The following ADGRD1 variants were observed in gnomAD, a reference collection of about 807,000 sequenced individuals.
The protein encoded by ADGRD1 is G-protein coupled receptor 133.
A neutral mutation model predicts 113.4 loss-of-function variants in ADGRD1; 77 were observed. The observed-to-expected ratio is 0.68, with a 90% CI of 0.57 to 0.82. The LOEUF (loss-of-function observed/expected upper bound fraction) is 0.82. Among genes scored for constraint, ADGRD1 ranks in the 40% least tolerant of loss-of-function variants. ADGRD1 has a pLI of 0.00. For synonymous variants in ADGRD1, 474 were observed against 475.0 expected (o/e 1.00, Z 0.03); for missense variants, 1,036 against 1,139.1 (o/e 0.91, Z 1.30).
intron 5 of ADGRD1, among the ~76,000 whole-genome samples, chr12:130,986,329 CAG>C (rs113474152): frequency 0.017 from 2,623 of 152,240 alleles, 83 homozygotes; most frequent in African/African-American, 0.059. Flanking sequence ...TTTCTTTCAT[CAG>C]AGTTATATAG....
intron 13 of ADGRD1, among the ~76,000 whole-genome samples, chr12:131,068,524 T>G (rs147489869): frequency 6.6e-5 from 10 of 152,312 alleles, no homozygotes; most frequent in African/African-American, 2.4e-4. Flanking sequence ...TGAGGCTGTT[T>G]GACTCCGCAC....
chr12:131,058,908 C>T (rs750556167), intron 13 of ADGRD1, among the ~76,000 whole-genome samples: 3 of 152,170 alleles, frequency 2.0e-5, no homozygotes, highest in Non-Finnish European at 4.4e-5. Flanking sequence ...ATATGTTTTG[C>T]CAAATTTAAG....
rs768256948 is a variant in ADGRD1 at position 131,108,716 on chromosome 12, A to T, written c.1888-8A>T. The T allele has an allele frequency of 1.2e-6, 2 of 1,613,906 alleles. No individual in the cohort carries two copies. Among genetic ancestry groups the T allele is most frequent in the African/African-American group, 2.7e-5 (2 of 74,894 alleles). On this transcript the variant is annotated splice_region_variant and splice_polypyrimidine_tract_variant and intron_variant, in intron 17 of 24. Transcript: ENST00000261654. Reference sequence around the variant, plus strand: ...CTGTCTCACTTCCCATCTCTGGTTAAATCCTAGACCCCCTGCCAAGTGATG... The same window carrying T: ...CTGTCTCACTTCCCATCTCTGGTTATATCCTAGACCCCCTGCCAAGTGATG...
intron 8 of ADGRD1, among the ~76,000 whole-genome samples, chr12:130,995,898 G>A (rs567854581): frequency 3.7e-4 from 56 of 152,238 alleles, no homozygotes; most frequent in African/African-American, 1.3e-3. Flanking sequence ...AAAGGTCTCT[G>A]GTTTTCCTAG....
chr12:131,010,708 G>C (rs1446804875), intron 12 of ADGRD1, among the ~76,000 whole-genome samples: 1 of 152,172 alleles, frequency 6.6e-6, no homozygotes, highest in Non-Finnish European at 1.5e-5. Context: ...TAGTAACTTG[G>C]GGCACATTGA....
At chr12:131,106,120 C>T (rs1950232280) in intron 17 of ADGRD1, among the ~76,000 whole-genome samples, 1 of 152,198 alleles carries the variant, frequency 6.6e-6, no homozygotes, top group Admixed American at 6.5e-5. Flanking sequence ...ACGCGCGAGG[C>T]ACCATGACAA....
intron 21 of ADGRD1, 70 bp downstream of exon 21, chr12:131,131,886 G>C (rs943136148): frequency 1.0e-6 from 1 of 1,000,040 alleles, no homozygotes; most frequent in Non-Finnish European, 1.6e-6. Flanking sequence ...GAGGTCACAG[G>C]AGAGATAGCC....
rs200451845 is a variant in ADGRD1, at chr12:131,136,952, G to A, written c.2395-21G>A. ...ACGTGCAAAGGGCTCTAATCTCTGC[G>A]TTTCTTCCCTTTCTTCCCAGGGACT... On this transcript the variant is annotated intron_variant, in intron 22 of 24. Transcript: ENST00000261654. 424 of 1,599,384 alleles carry A rather than the reference G, an allele frequency of 2.7e-4. No homozygotes were observed. In the African/African-American group the frequency reaches 4.7e-3, roughly 18 times the overall value.
intron 3 of ADGRD1, chr12:130,969,196 C>T: frequency 1.5e-6 from 1 of 646,108 alleles, no homozygotes; most frequent in Non-Finnish European, 2.8e-6. Flanking sequence ...AGCAAATGTC[C>T]CAGTCAAGAC....
intron 2 of ADGRD1, among the ~76,000 whole-genome samples, chr12:130,958,738 G>A (rs1316733124): frequency 6.6e-6 from 1 of 152,218 alleles, no homozygotes; most frequent in East Asian, 1.9e-4. Flanking sequence ...CACACCAACA[G>A]AAACAACCTG....
chr12:131,057,910 C>T lies in ADGRD1; in HGVS notation c.1474-18891C>T, dbSNP rs889747111. ...GCTTTCCTGCAGGACTGACCGCAGC[C>T]GTCTTCGTGCTCATCTCGCTTCTTT... is the stretch of plus-strand genomic sequence containing the variant. On this transcript the variant is annotated intron_variant, in intron 13 of 24. Coordinates refer to ENST00000261654, the MANE Select transcript of ADGRD1 (RefSeq NM_198827.5). This position sits in a 1 kb window ranked among gnomAD's most constrained non-coding sequence, Gnocchi z 4.2. Among the ~76,000 whole-genome samples the T allele has an allele frequency of 6.6e-6, 1 of 152,180 alleles. No homozygotes were observed. Among genetic ancestry groups the T allele is most frequent in the Non-Finnish European group, 1.5e-5 (1 of 68,038 alleles).
chr12:131,105,155 G>A (rs560285858), intron 16 of ADGRD1, among the ~76,000 whole-genome samples: 1 of 152,364 alleles, frequency 6.6e-6, no homozygotes, highest in African/African-American at 2.4e-5. Context: ...CCTCAGCCCT[G>A]TGCTCAGATA....
chr12:131,086,360 G>A (rs2137223440), intron 15 of ADGRD1, among the ~76,000 whole-genome samples: 1 of 152,292 alleles, frequency 6.6e-6, no homozygotes, highest in Admixed American at 6.5e-5. Context: ...ATTCCAGAAA[G>A]AGGGCCCAGG....
At chr12:131,014,827 T>G (rs187470355) in intron 13 of ADGRD1, among the ~76,000 whole-genome samples, 419 of 152,340 alleles carry the variant, frequency 2.8e-3, no homozygotes, top group Non-Finnish European at 4.2e-3. Flanking sequence ...CCTCTCCACA[T>G]GTCGTTTGTT....
At chr12:131,002,733 C>T (rs1486750695) in intron 9 of ADGRD1, 3 of 1,254,974 alleles carry the variant, frequency 2.4e-6, no homozygotes, top group African/African-American at 1.6e-5. Context: ...GGTGCCGGCA[C>T]CTCGGAAGCA....
intron 13 of ADGRD1, among the ~76,000 whole-genome samples, chr12:131,064,564 A>G (rs773759853): frequency 6.6e-6 from 1 of 152,242 alleles, no homozygotes; most frequent in Non-Finnish European, 1.5e-5. Flanking sequence ...TTAGGAGAAT[A>G]CTATCATCTT....
chr12:131,118,998 G>A (rs1275110684), intron 19 of ADGRD1, among the ~76,000 whole-genome samples: 2 of 152,188 alleles, frequency 1.3e-5, no homozygotes, highest in African/African-American at 2.4e-5. Flanking sequence ...CAGCTCATGG[G>A]TCCACAGTTG....
In ADGRD1 at chr12:131,121,320, A is replaced by G. The variant is rs1230738657; in HGVS notation, c.2175+407A>G. Among the ~76,000 whole-genome samples the G allele has an allele frequency of 3.3e-5, 5 of 152,348 alleles. No individual in the cohort carries two copies. In the East Asian group the frequency reaches 9.7e-4, roughly 29 times the overall value. ...AGCAGAAGCCTCCTGGGAACCACACATAACAGTTACAGTTACAGTGGTTTG... is the reference window on the plus strand; with the variant it reads ...AGCAGAAGCCTCCTGGGAACCACACGTAACAGTTACAGTTACAGTGGTTTG... On this transcript the variant is annotated intron_variant, in intron 20 of 24. Transcript: ENST00000261654.
At chr12:130,981,371 T>C (rs186406753) in intron 4 of ADGRD1, 113 of 152,462 alleles carry the variant, frequency 7.4e-4, no homozygotes, top group Admixed American at 1.5e-3. Context: ...GTAAACTTTA[T>C]AGAAATGTTG....
Sources: gnomAD v4.1 joint callset for allele counts (sites outside exome capture counted in the v4.1 genomes callset) on GRCh38, gnomAD v4.1.1 for gene constraint, Gnocchi (gnomAD v3.1) non-coding constraint, MANE v1.5 for transcripts, NCBI Gene and HGNC (gene_info 2026-07-23, HGNC 2026-07-21) for gene names.